The following SACS variants were observed in gnomAD, a reference collection of about 807,000 sequenced individuals.
The protein encoded by SACS is sacsin.
In SACS, 197 loss-of-function variants were observed where a neutral mutation model predicts 348.0. The ratio of observed to expected loss-of-function variants is 0.57; its 90% CI spans 0.50 to 0.64. The LOEUF is 0.64. SACS is among the 30% of genes least tolerant of loss of function. SACS has a pLI of 0.00. For synonymous variants in SACS, 1,985 were observed against 1,910.6 expected, an observed-to-expected ratio of 1.04 and a Z score of -1.02; for missense variants, 4,999 against 5,360.8, an observed-to-expected ratio of 0.93 and a Z score of 2.11.
Position 23,334,045 on chromosome 13 carries a change from GTCTT to G in SACS, c.9827_9830del (p.Lys3276ThrfsTer48). 1 of 1,613,814 alleles carries G rather than the reference GTCTT, an allele frequency of 6.2e-7. No homozygotes were observed. Among genetic ancestry groups the G allele is most frequent in the Non-Finnish European group, 8.5e-7 (1 of 1,179,832 alleles). The stretch of plus-strand genomic sequence containing the variant: ...ACTTTGTTCCTGGAAGCAATGCCCA[GTCTT>G]TTAGAGTATCAACAACAATGTCAAA... On this transcript the variant is annotated frameshift_variant, in exon 10 of 10. Transcript: ENST00000382292. LOFTEE classifies it high-confidence loss of function.
chr13:23,351,854 C>A (rs568848883), intron 9 of SACS, among the ~76,000 whole-genome samples: 1 of 151,880 alleles, frequency 6.6e-6, no homozygotes, highest in Non-Finnish European at 1.5e-5. Context: ...GAAAACTAAC[C>A]AAGACCAGAG....
Position 23,339,475 on chromosome 13 carries a change from A to G in SACS, c.4401T>C (p.Ile1467=), listed in dbSNP as rs1868991227. Reference sequence around the variant, plus strand: ...CTGACACTGAAGGGTATTCTTCCAGAATATTTTTAATTCTTACAGTAAGTG... The same window carrying G: ...CTGACACTGAAGGGTATTCTTCCAGGATATTTTTAATTCTTACAGTAAGTG... ...REPLTVRIKN[I]LEEYPSVSDI... The change falls in exon 10 of 10, where the codon ATT becomes ATC. Residue 1467 remains isoleucine, a synonymous_variant. Coordinates refer to ENST00000382292, the MANE Select transcript of SACS (RefSeq NM_014363.6). 4 of 1,605,772 alleles carry G rather than the reference A, an allele frequency of 2.5e-6. No individual in the cohort carries two copies. The highest frequency in any genetic ancestry group is 3.4e-6 in the Non-Finnish European group (4 of 1,175,976).
At chr13:23,400,598 T>A (rs1422649480) in intron 2 of SACS, among the ~76,000 whole-genome samples, 1 of 152,086 alleles carries the variant, frequency 6.6e-6, no homozygotes, top group Non-Finnish European at 1.5e-5. Context: ...TTTTTTGTAT[T>A]TTTAGTAGAG....
chr13:23,330,971 G>T lies in SACS; in HGVS notation c.12905C>A (p.Ser4302Tyr), dbSNP rs778808568. Residue 4302 changes from serine to tyrosine, a missense_variant, in exon 10 of 10, where the codon TCT becomes TAT. Physicochemically the swap from Ser to Tyr is moderately radical, Grantham distance 144. This residue lies in a region of SACS where 831 missense variants were observed against 941.8 expected (regional missense o/e 0.88). Transcript: ENST00000382292. The part of the protein sequence containing the change: ...HQSPKKLKVN[S>Y]LPEILKEVTS... ...CACTTCTTTTAAGATTTCTGGTAAA[G>T]AATTAACCTTAAGCTTTTTGGGGGA... 12 of 1,614,096 alleles carry T rather than the reference G, an allele frequency of 7.4e-6. No homozygotes were observed. The highest frequency in any genetic ancestry group is 8.5e-6 in the Non-Finnish European group (10 of 1,179,984).
chr13:23,339,118 A>G lies in SACS; in HGVS notation c.4758T>C (p.Asn1586=). 1 of 1,611,004 alleles carries G rather than the reference A, an allele frequency of 6.2e-7. No individual in the cohort carries two copies. The highest frequency in any genetic ancestry group is 1.7e-4 in the Middle Eastern group (1 of 6,046). The change falls in exon 10 of 10, where the codon AAT becomes AAC. Residue 1586 remains asparagine, a synonymous_variant. Transcript: ENST00000382292. ...EFMIMFDPNI[N]HISKHIKDKS... ...TGTCTTTAATGTGTTTACTGATATG[A>G]TTTATGTTTGGATCGAACATTATCA...
chr13:23,340,581 T>TC lies in SACS; in HGVS notation c.3294_3295insG (p.Lys1099GlufsTer13), dbSNP rs1278351140. On this transcript the variant is annotated frameshift_variant, in exon 10 of 10. Coordinates refer to ENST00000382292, the MANE Select transcript of SACS (RefSeq NM_014363.6). LOFTEE classifies it high-confidence loss of function. Reference sequence around the variant, plus strand: ...GCCACTTGCACAACATCCTTTTCTTTGAGACTGGCTTCGTTTTTTAAACCA... The same window carrying TC: ...GCCACTTGCACAACATCCTTTTCTTTCGAGACTGGCTTCGTTTTTTAAACCA... 1 of 1,613,652 alleles carries TC rather than the reference T, an allele frequency of 6.2e-7. No individual in the cohort carries two copies. Among genetic ancestry groups the TC allele is most frequent in the African/African-American group, 1.3e-5 (1 of 74,880 alleles).
intron 5 of SACS, among the ~76,000 whole-genome samples, chr13:23,367,647 T>A (rs1205993151): frequency 6.6e-6 from 1 of 152,168 alleles, no homozygotes; most frequent in African/African-American, 2.4e-5. Flanking sequence ...CAGGCTGGAG[T>A]GCAGTGGCGC....
rs932354771 is a variant in SACS at position 23,330,740 on chromosome 13, G to A, written c.13136C>T (p.Thr4379Ile). 13 of 1,614,006 alleles carry A rather than the reference G, an allele frequency of 8.1e-6. No homozygotes were observed. The highest frequency in any genetic ancestry group is 1.1e-5 in the Non-Finnish European group (13 of 1,179,932). Reference protein sequence around the residue: ...DQNADRASRRTFSTSASRFQS... With the variant: ...DQNADRASRRIFSTSASRFQS... ...AAATCGGGATGCTGAGGTTGAAAAT[G>A]TTCGTCTGGAGGCCCTGTCTGCATT... is the stretch of plus-strand genomic sequence containing the variant. The change falls in exon 10 of 10, where the codon ACA (threonine) becomes ATA (isoleucine). Residue 4379 changes from threonine to isoleucine, a missense_variant. Physicochemically the swap from Thr to Ile is moderately conservative, Grantham distance 89. Around this residue, in one of 6 missense-constraint regions of SACS, gnomAD observed 254 missense variants for 275.1 expected, o/e 0.92. Coordinates refer to ENST00000382292, the MANE Select transcript of SACS (RefSeq NM_014363.6).
chr13:23,338,371 A>G lies in SACS; in HGVS notation c.5505T>C (p.Ser1835=), dbSNP rs1868861379. 2 of 1,613,906 alleles carry G rather than the reference A, an allele frequency of 1.2e-6. No individual in the cohort carries two copies. The highest frequency in any genetic ancestry group is 1.7e-6 in the Non-Finnish European group (2 of 1,179,966). The part of the protein sequence containing the change: ...DTGEALKFSL[S]ESGRRLGLVP... ...CCAGTCCTAGTCTTCTTCCACTCTCACTCAGGGAAAACTTCAGAGCCTCTC... is the reference window on the plus strand; with the variant it reads ...CCAGTCCTAGTCTTCTTCCACTCTCGCTCAGGGAAAACTTCAGAGCCTCTC... The change falls in exon 10 of 10, where the codon AGT becomes AGC. Residue 1835 remains serine (S), a synonymous_variant. Transcript: ENST00000382292.
chr13:23,376,752 GC>G, intron 2 of SACS, among the ~76,000 whole-genome samples: 1 of 152,158 alleles, frequency 6.6e-6, no homozygotes, highest in Non-Finnish European at 1.5e-5. Context: ...AGCCCTAAGG[GC>G]CAAATATGTA....
At chr13:23,425,400 T>A (rs763996839) in intron 1 of SACS, among the ~76,000 whole-genome samples, 1 of 152,104 alleles carries the variant, frequency 6.6e-6, no homozygotes, top group Non-Finnish European at 1.5e-5. Flanking sequence ...AACTGGGACC[T>A]GATGTTTATG....
chr13:23,374,658 C>T (rs898840015), intron 3 of SACS, among the ~76,000 whole-genome samples: 4 of 152,054 alleles, frequency 2.6e-5, no homozygotes, highest in African/African-American at 9.7e-5. Flanking sequence ...ATGTTTACTC[C>T]CCAAGATAAC....
chr13:23,339,442 A>G lies in SACS; in HGVS notation c.4434T>C (p.Phe1478=), dbSNP rs545103369. 2 of 1,604,350 alleles carry G rather than the reference A, an allele frequency of 1.2e-6. No individual in the cohort carries two copies. Among genetic ancestry groups the G allele is most frequent in the South Asian group, 2.3e-5 (2 of 88,774 alleles). The part of the protein sequence containing the change: ...LEEYPSVSDI[F]KELLQNADDA... Reference sequence around the variant, plus strand: ...CATCAGCGTTTTGAAGTAGTTCTTTAAAAATATCTGACACTGAAGGGTATT... The same window carrying G: ...CATCAGCGTTTTGAAGTAGTTCTTTGAAAATATCTGACACTGAAGGGTATT... The change falls in exon 10 of 10, where the codon TTT becomes TTC. Residue 1478 remains phenylalanine (F), a synonymous_variant. Transcript: ENST00000382292.
intron 8 of SACS, 64 bp downstream of exon 8, chr13:23,354,455 T>A: frequency 1.6e-5 from 23 of 1,412,362 alleles, no homozygotes; most frequent in Non-Finnish European, 2.3e-5. Context: ...CAAAGGACTC[T>A]CACAGTGAGC....
Position 23,338,056 on chromosome 13 carries a change from A to G in SACS, c.5820T>C (p.Tyr1940=). The G allele has an allele frequency of 6.2e-7, 1 of 1,613,888 alleles. No homozygotes were observed. Among genetic ancestry groups the G allele is most frequent in the South Asian group, 1.1e-5 (1 of 91,066 alleles). The part of the protein sequence containing the change: ...DLATSGELMD[Y]TYYAVWPDPD... ...GATCGGGCCATACTGCATAGTAAGT[A>G]TAATCCATTAGCTCCCCACTAGTGG... The change falls in exon 10 of 10, where the codon TAT becomes TAC. Residue 1940 remains tyrosine (Y), a synonymous_variant. Coordinates refer to ENST00000382292, the MANE Select transcript of SACS (RefSeq NM_014363.6).
At chr13:23,368,854 ATG>A in intron 4 of SACS, among the ~76,000 whole-genome samples, 2 of 152,060 alleles carry the variant, frequency 1.3e-5, no homozygotes, top group Non-Finnish European at 2.9e-5. Flanking sequence ...GCCCACCACC[ATG>A]CCCAGCTAAT....
intron 2 of SACS, among the ~76,000 whole-genome samples, chr13:23,388,861 T>C (rs1195815911): frequency 2.0e-5 from 3 of 151,988 alleles, no homozygotes; most frequent in Non-Finnish European, 4.4e-5. Context: ...CAAAAACCAC[T>C]TGTATCCCTA....
At chr13:23,376,166 T>A (rs944027684) in intron 2 of SACS, among the ~76,000 whole-genome samples, 42 of 152,312 alleles carry the variant, frequency 2.8e-4, no homozygotes, top group African/African-American at 9.4e-4. Flanking sequence ...AAAATATTTG[T>A]AACTTATTTT....
At chr13:23,371,704 A>G (rs540128911) in intron 3 of SACS, among the ~76,000 whole-genome samples, 1 of 152,368 alleles carries the variant, frequency 6.6e-6, no homozygotes, top group Admixed American at 6.5e-5. Flanking sequence ...ACACAAACAT[A>G]TATGCACATA....
Sources: gnomAD v4.1 joint callset for allele counts (sites outside exome capture counted in the v4.1 genomes callset) on GRCh38, gnomAD v4.1.1 for gene constraint, gnomAD v4.1.1 regional missense constraint, MANE v1.5 for transcripts, NCBI Gene and HGNC (gene_info 2026-07-23, HGNC 2026-07-21) for gene names.